The following SENP6 variants were observed in gnomAD, a reference collection of about 807,000 sequenced individuals.
SENP6 encodes the protein SUMO specific peptidase 6, also known as sentrin-specific protease 6.
SENP6 carries 41 observed loss-of-function variants against 134.5 expected under a neutral mutation model. That is an observed-to-expected ratio of 0.30 (90% CI 0.24 to 0.40). SENP6 has a LOEUF of 0.40. SENP6 is among the 10% of genes least tolerant of loss of function. The pLI is 1.00. For missense variants in SENP6, 1,248 were observed against 1,312.5 expected (o/e 0.95, Z 0.76); for synonymous variants, 395 against 429.8 (o/e 0.92, Z 1.00).
At chr6:75,634,387 C>G (rs1357214367) in intron 4 of SENP6, among the ~76,000 whole-genome samples, 4 of 152,136 alleles carry the variant, frequency 2.6e-5, no homozygotes, top group African/African-American at 9.7e-5. Flanking sequence ...GCTGGGATTA[C>G]AGGTGCCCAC....
At chr6:75,645,706 T>C (rs1390956579) in intron 6 of SENP6, among the ~76,000 whole-genome samples, 1 of 152,192 alleles carries the variant, frequency 6.6e-6, no homozygotes, top group Non-Finnish European at 1.5e-5. Context: ...AAATAATATA[T>C]GGCTAGGTAG....
intron 1 of SENP6, among the ~76,000 whole-genome samples, chr6:75,613,208 T>A (rs1355380535): frequency 6.6e-6 from 1 of 152,134 alleles, no homozygotes; most frequent in Non-Finnish European, 1.5e-5. Context: ...GCTTTTATAT[T>A]TTTAATGACT....
intron 7 of SENP6, among the ~76,000 whole-genome samples, chr6:75,650,624 T>G (rs1335288153): frequency 2.6e-5 from 4 of 152,364 alleles, no homozygotes; most frequent in African/African-American, 9.6e-5. Flanking sequence ...GTTTTATGAG[T>G]AATACTTGTA....
chr6:75,695,901 A>G lies in SENP6; in HGVS notation c.2173A>G (p.Asn725Asp). 2 of 1,603,456 alleles carry G rather than the reference A, an allele frequency of 1.2e-6. No individual in the cohort carries two copies. Among genetic ancestry groups the G allele is most frequent in the Non-Finnish European group, 1.7e-6 (2 of 1,176,148 alleles). The change falls in exon 17 of 24, where the codon AAT (asparagine) becomes GAT (aspartate). Residue 725 changes from asparagine (N) to aspartate (D), a missense_variant. Physicochemically the swap from Asn to Asp is conservative, Grantham distance 23. Around this residue, in one of 3 missense-constraint regions of SENP6, gnomAD observed 129 missense variants for 192.0 expected, o/e 0.67. Coordinates refer to ENST00000447266, the MANE Select transcript of SENP6 (RefSeq NM_015571.4). ...ACGCCTTAATCAGAGAGAGAGGAGA[A>G]ATCATGAAACAACTAATCTGTCGTA... The part of the protein sequence containing the change: ...YKRLNQRERR[N>D]HETTNLSIQQ...
chr6:75,608,553 A>C (rs533232602), intron 1 of SENP6, among the ~76,000 whole-genome samples: 2 of 152,102 alleles, frequency 1.3e-5, no homozygotes, highest in East Asian at 3.9e-4. Context: ...GAAAGGAAGA[A>C]AGAAAGGAAG....
At position 75,713,814 on chromosome 6, in the gene SENP6, A is replaced by G. The variant is rs1775888169; in HGVS notation, c.3118A>G (p.Ser1040Gly). Residue 1040 changes from serine to glycine, a missense_variant, in exon 23 of 24, where the codon AGC becomes GGC. Around this residue, in one of 3 missense-constraint regions of SENP6, gnomAD observed 386 missense variants for 395.0 expected, o/e 0.98. Transcript: ENST00000447266. ...CGVYVLQYVE[S>G]FFENPILSFE... ...TGTATATGTATTGCAGTATGTAGAG[A>G]GCTTTTTTGAGGTGGGTTTCAATTT... 6.3e-7 allele frequency: 1 copy of G among 1,578,888 alleles called. No homozygotes were observed. Among genetic ancestry groups the G allele is most frequent in the African/African-American group, 1.4e-5 (1 of 73,634 alleles).
At chr6:75,676,925 G>A in intron 13 of SENP6, 105 bp from the exon 14 acceptor site, 1 of 642,808 alleles carries the variant, frequency 1.6e-6, no homozygotes, top group Non-Finnish European at 2.7e-6. Context: ...CTTTATACTG[G>A]GATTTCTGAT....
chr6:75,628,184 C>T (rs1005886895), intron 3 of SENP6, among the ~76,000 whole-genome samples: 7 of 152,048 alleles, frequency 4.6e-5, no homozygotes, highest in Non-Finnish European at 5.9e-5. Context: ...CCTTTTCCGT[C>T]TTAAATTCAT....
At chr6:75,633,799 A>G (rs1260286477) in intron 4 of SENP6, 73 bp downstream of exon 4, 3 of 1,342,638 alleles carry the variant, frequency 2.2e-6, no homozygotes, top group African/African-American at 1.5e-5. Flanking sequence ...TTAGAAGCTA[A>G]TAGGCCCAAC....
At chr6:75,699,765 C>T (rs936376980) in intron 18 of SENP6, among the ~76,000 whole-genome samples, 8 of 152,152 alleles carry the variant, frequency 5.3e-5, no homozygotes, top group Admixed American at 3.9e-4. Context: ...GCTGGGATTA[C>T]AGGCATGTGC....
chr6:75,616,727 C>A (rs1582672210), intron 1 of SENP6, among the ~76,000 whole-genome samples: 2 of 118,458 alleles, frequency 1.7e-5, no homozygotes, highest in African/African-American at 6.6e-5. Context: ...GCCTGGGCGA[C>A]AGAGCAAGAC....
chr6:75,696,141 G>A (rs1457402676), intron 17 of SENP6, among the ~76,000 whole-genome samples: 1 of 152,014 alleles, frequency 6.6e-6, no homozygotes. Flanking sequence ...GCTAGTTTTG[G>A]AATTTTTTTT....
At chr6:75,696,063 C>T (rs1195360959) in intron 17 of SENP6, 140 bp downstream of exon 17, 1 of 691,980 alleles carries the variant, frequency 1.4e-6, no homozygotes, top group South Asian at 3.0e-5. Flanking sequence ...GAAGAGAACA[C>T]ACTAAATAAA....
At chr6:75,607,932 G>C (rs770034261) in intron 1 of SENP6, among the ~76,000 whole-genome samples, 1 of 152,164 alleles carries the variant, frequency 6.6e-6, no homozygotes, top group Non-Finnish European at 1.5e-5. Context: ...CAAACGATTG[G>C]CATTCCATGG....
At chr6:75,631,510 T>C (rs1020450458) in intron 3 of SENP6, among the ~76,000 whole-genome samples, 6 of 152,226 alleles carry the variant, frequency 3.9e-5, no homozygotes, top group Non-Finnish European at 8.8e-5. Context: ...CTGAAGTCTA[T>C]TGTCTGTTAG....
intron 8 of SENP6, among the ~76,000 whole-genome samples, chr6:75,660,092 A>G (rs1771657607): frequency 6.6e-6 from 1 of 152,198 alleles, no homozygotes; most frequent in South Asian, 2.1e-4. Flanking sequence ...ATAATTTCAC[A>G]GTCTTATCTT....
chr6:75,669,222 T>C (rs574185170), intron 10 of SENP6, among the ~76,000 whole-genome samples: 1 of 152,172 alleles, frequency 6.6e-6, no homozygotes, highest in African/African-American at 2.4e-5. Context: ...CGTGGTGGTG[T>C]GTGCCTATAA....
chr6:75,709,275 A>G (rs1775607327), intron 19 of SENP6, among the ~76,000 whole-genome samples: 1 of 152,180 alleles, frequency 6.6e-6, no homozygotes, highest in Non-Finnish European at 1.5e-5. Flanking sequence ...TGTATACTTA[A>G]TCATATAGCT....
intron 11 of SENP6, among the ~76,000 whole-genome samples, chr6:75,673,865 A>G (rs1772875525): frequency 6.6e-6 from 1 of 151,644 alleles, no homozygotes; most frequent in African/African-American, 2.4e-5. Context: ...TACTAAGACT[A>G]CAAAAATTAG....
Sources: gnomAD v4.1 joint callset for allele counts (sites outside exome capture counted in the v4.1 genomes callset) on GRCh38, gnomAD v4.1.1 for gene constraint, gnomAD v4.1.1 regional missense constraint, MANE v1.5 for transcripts, NCBI Gene and HGNC (gene_info 2026-07-23, HGNC 2026-07-21) for gene names.